Variants in RNF17 observed in about 807,000 individuals in gnomAD.
The protein encoded by RNF17 is spermatogenesis associated 23.
A neutral mutation model predicts 200.5 loss-of-function variants in RNF17; 31 were observed. The observed-to-expected ratio is 0.15, with a 90% CI of 0.12 to 0.21. The LOEUF (loss-of-function observed/expected upper bound fraction) is 0.21, where lower values mean the gene tolerates loss of function less well. Ranked by LOEUF, RNF17 falls within the 10% of genes least tolerant of loss-of-function variation. The pLI, the probability that RNF17 is intolerant of heterozygous loss-of-function variation, is 1.00. For synonymous variants in RNF17, 606 were observed against 637.8 expected (o/e 0.95, Z 0.75); for missense variants, 1,628 against 1,905.1 (o/e 0.85, Z 2.71).
chr13:24,823,365 C>T (rs1480363966), intron 15 of RNF17, among the ~76,000 whole-genome samples: 1 of 152,206 alleles, frequency 6.6e-6, no homozygotes, highest in African/African-American at 2.4e-5. Flanking sequence ...AGCCACCACG[C>T]CCGGCCAAGA....
At chr13:24,749,392 C>G in the RNF17 span, among the ~76,000 whole-genome samples, 2 of 146,018 alleles carry the variant, frequency 1.4e-5, no homozygotes. Flanking sequence ...GCAACCTCCC[C>G]TCCCGGGTTC....
intron 25 of RNF17, among the ~76,000 whole-genome samples, chr13:24,856,288 C>T (rs1444623258): frequency 6.6e-6 from 1 of 151,852 alleles, no homozygotes; most frequent in East Asian, 1.9e-4. Context: ...GGCGTGGTGG[C>T]AGGCATCTGT....
At chr13:24,786,241 T>C (rs569485707) in intron 6 of RNF17, among the ~76,000 whole-genome samples, 57 of 152,314 alleles carry the variant, frequency 3.7e-4, no homozygotes, top group African/African-American at 1.3e-3. Context: ...CCTGAAGTTA[T>C]AACAATCTGT....
downstream of RNF17, chr13:24,884,294 T>G: frequency 6.2e-7 from 1 of 1,614,120 alleles, no homozygotes; most frequent in Non-Finnish European, 8.5e-7. Context: ...ATGGTTAAAC[T>G]ATGGAGGAGA....
At position 24,844,684 on chromosome 13, in the gene RNF17, A is replaced by G. The variant is rs1476921280; in HGVS notation, c.2864A>G (p.Asn955Ser). Residue 955 changes from asparagine to serine, a missense_variant, in exon 21 of 36, where the codon AAC becomes AGC. Around this residue, in one of 5 missense-constraint regions of RNF17, gnomAD observed 227 missense variants for 319.8 expected, o/e 0.71. Transcript: ENST00000255324. ...GAAAAGATGATAGCTGCTTATGAAA[A>G]CTCAAAATGGGAACCTGTTAAATGG... ...LEEKMIAAYE[N>S]SKWEPVKWEN... 2.5e-6 allele frequency: 4 copies of G among 1,607,618 alleles called. No individual in the cohort carries two copies. Among genetic ancestry groups the G allele is most frequent in the Non-Finnish European group, 3.4e-6 (4 of 1,175,004 alleles).
chr13:24,881,672 T>C (rs1189303720), downstream of RNF17, among the ~76,000 whole-genome samples: 3 of 148,392 alleles, frequency 2.0e-5, 1 homozygote, highest in South Asian at 4.2e-4. Flanking sequence ...CCTATATATA[T>C]CTATCTAGAT....
intron 29 of RNF17, among the ~76,000 whole-genome samples, chr13:24,865,450 A>G (rs1443884665): frequency 1.3e-5 from 2 of 152,214 alleles, no homozygotes; most frequent in Middle Eastern, 3.2e-3. Context: ...TAAGTGGCTC[A>G]TTCCTTGCCT....
chr13:24,840,796 T>G (rs777361325), intron 18 of RNF17, among the ~76,000 whole-genome samples: 9 of 152,138 alleles, frequency 5.9e-5, no homozygotes, highest in Non-Finnish European at 1.0e-4. Flanking sequence ...ATATACTGTT[T>G]GGGTGATGGG....
chr13:24,867,929 G>A (rs74042524), intron 30 of RNF17, among the ~76,000 whole-genome samples: 1 of 152,142 alleles, frequency 6.6e-6, no homozygotes, highest in East Asian at 1.9e-4. Context: ...TGTATAAAAG[G>A]AAAAAGGATC....
At chr13:24,751,319 T>TTC in the RNF17 span, 1 of 151,306 alleles carries the variant, frequency 6.6e-6, no homozygotes. Context: ...TATATATTTT[T>TTC]TTTTACTTTT....
chr13:24,814,254 A>G (rs2137859129), intron 15 of RNF17, among the ~76,000 whole-genome samples: 1 of 152,280 alleles, frequency 6.6e-6, no homozygotes, highest in Middle Eastern at 3.4e-3. Context: ...AGAGGTGGAA[A>G]AAAATTTGCA....
At chr13:24,870,934 G>C (rs1432402938) in intron 32 of RNF17, among the ~76,000 whole-genome samples, 195 bp downstream of exon 32, 1 of 152,190 alleles carries the variant, frequency 6.6e-6, no homozygotes, top group Non-Finnish European at 1.5e-5. Context: ...GGTGAACTAA[G>C]AGACGCTAAG....
Position 24,850,407 on chromosome 13 carries a change from A to G in RNF17, c.3168A>G (p.Gly1056=), listed in dbSNP as rs752881112. 6.2e-7 allele frequency: 1 copy of G among 1,613,302 alleles called. No homozygotes were observed. Among genetic ancestry groups the G allele is most frequent in the South Asian group, 1.1e-5 (1 of 90,928 alleles). Residue 1056 remains glycine, a synonymous_variant, in exon 23 of 36, where the codon GGA becomes GGG. Transcript: ENST00000255324. ...ACDCLSLYLT[G]AVATIILQVD... The stretch of plus-strand genomic sequence containing the variant: ...ACTGTCTTTCATTGTACCTGACTGG[A>G]GCTGTAGCAACTATAATCTTACAGG...
intron 28 of RNF17, among the ~76,000 whole-genome samples, chr13:24,863,025 T>G (rs1309493204): frequency 6.6e-6 from 1 of 152,218 alleles, no homozygotes; most frequent in Non-Finnish European, 1.5e-5. Flanking sequence ...TTTGAAAGAT[T>G]CTTTATTAAC....
chr13:24,836,437 A>C (rs1028280883), intron 18 of RNF17, among the ~76,000 whole-genome samples: 1 of 152,220 alleles, frequency 6.6e-6, no homozygotes, highest in African/African-American at 2.4e-5. Context: ...AGACGAAAGG[A>C]TCTTAAGAGC....
At chr13:24,748,302 TA>T in the RNF17 span, among the ~76,000 whole-genome samples, 1 of 152,212 alleles carries the variant, frequency 6.6e-6, no homozygotes, top group Non-Finnish European at 1.5e-5. Flanking sequence ...AAAGTGGCAG[TA>T]ATTAAGCCTT....
intron 31 of RNF17, among the ~76,000 whole-genome samples, chr13:24,869,934 A>ATTTTTTTTT (rs34196797): frequency 3.6e-5 from 3 of 83,756 alleles, no homozygotes; most frequent in Non-Finnish European, 4.3e-5. Context: ...TGCCCAGCTA[A>ATTTTTTTTT]TTTTTTTTTT....
In RNF17 at chr13:24,788,090, T is replaced by C; in HGVS notation, c.714T>C (p.Asn238=). 1.3e-6 allele frequency: 2 copies of C among 1,599,838 alleles called. No individual in the cohort carries two copies. Among genetic ancestry groups the C allele is most frequent in the Non-Finnish European group, 1.7e-6 (2 of 1,175,886 alleles). Residue 238 remains asparagine, a synonymous_variant, in exon 7 of 36, where the codon AAT becomes AAC. Coordinates refer to ENST00000255324, the MANE Select transcript of RNF17 (RefSeq NM_031277.3). ...TTGAAGAGAAAAAAAATAATTTGAATGCAGCTATGAACATAGCAAGAGCAT... is the reference window on the plus strand; with the variant it reads ...TTGAAGAGAAAAAAAATAATTTGAACGCAGCTATGAACATAGCAAGAGCAT... ...SYIEEKKNNL[N]AAMNIARALQ... is the part of the protein sequence containing the mutation.
At chr13:24,786,948 A>G (rs1194788932) in intron 6 of RNF17, among the ~76,000 whole-genome samples, 1 of 152,022 alleles carries the variant, frequency 6.6e-6, no homozygotes, top group Non-Finnish European at 1.5e-5. Flanking sequence ...TATAATGCAT[A>G]CATTAGTCTG....
Sources: gnomAD v4.1 joint callset for allele counts (sites outside exome capture counted in the v4.1 genomes callset) on GRCh38, gnomAD v4.1.1 for gene constraint, gnomAD v4.1.1 regional missense constraint, MANE v1.5 for transcripts, NCBI Gene and HGNC (gene_info 2026-07-23, HGNC 2026-07-21) for gene names.